The following PTPRD variants were observed in gnomAD, a reference collection of about 807,000 sequenced individuals.
PTPRD encodes receptor-type tyrosine-protein phosphatase delta.
Under a neutral mutation model 214.5 loss-of-function variants are expected in PTPRD, and 34 were observed. That is an observed-to-expected ratio of 0.16 (90% CI 0.12 to 0.21). PTPRD has a LOEUF of 0.21. Among genes scored for constraint, PTPRD ranks in the 10% least tolerant of loss-of-function variants. The probability of loss-of-function intolerance (pLI) is 1.00; values close to 1 mark genes in which losing one functional copy is unlikely to be tolerated. For synonymous variants in PTPRD, 1,128 were observed against 845.7 expected (o/e 1.33, Z -5.79); for missense variants, 2,545 against 2,398.7 (o/e 1.06, Z -1.27).
At position 9,861,371 on chromosome 9, in the gene PTPRD, A is replaced by G. The variant is rs375204158; in HGVS notation, c.-368+77136T>C. ...ATTGGCGCCATCTCGGCTCACTGCA[A>G]CCTCCGCCTCCCAGGTTCAAGCGAT... On this transcript the variant is annotated intron_variant, in intron 5 of 45. Transcript: ENST00000381196. Among the ~76,000 whole-genome samples, 11 of 152,094 alleles carry G rather than the reference A, an allele frequency of 7.2e-5. No individual in the cohort carries two copies. The South Asian group carries it at 1.0e-3, about 14-fold the overall frequency.
intron 5 of PTPRD, among the ~76,000 whole-genome samples, chr9:9,926,169 T>C (rs2084235952): frequency 6.6e-6 from 1 of 152,128 alleles, no homozygotes. Context: ...TTCTAAATTC[T>C]ACCTATCTTA....
At position 8,499,808 on chromosome 9, in the gene PTPRD, C is replaced by G. The variant is rs1415574662; in HGVS notation, c.2161G>C (p.Glu721Gln). The part of the protein sequence containing the change: ...PSGPPRKVEV[E>Q]AVNSTSVKVS... ...TTAACAGATGTTGAGTTGACAGCCTCTACCTCGACTTTGCGAGGAGGACCA... is the reference window on the plus strand; with the variant it reads ...TTAACAGATGTTGAGTTGACAGCCTGTACCTCGACTTTGCGAGGAGGACCA... Residue 721 changes from glutamate (E) to glutamine (Q), a missense_variant, in exon 25 of 46, where the codon GAG becomes CAG. Coordinates refer to ENST00000381196, the MANE Select transcript of PTPRD (RefSeq NM_002839.4). 23 of 1,612,298 alleles carry G rather than the reference C, an allele frequency of 1.4e-5. No individual in the cohort carries two copies. Among genetic ancestry groups the G allele is most frequent in the Non-Finnish European group, 2.0e-5 (23 of 1,179,422 alleles).
At chr9:9,504,734 G>A (rs1173089039) in intron 8 of PTPRD, among the ~76,000 whole-genome samples, 1 of 151,448 alleles carries the variant, frequency 6.6e-6, no homozygotes, top group East Asian at 1.9e-4. Flanking sequence ...GAGATGACAT[G>A]ATAATGTATA....
chr9:9,367,318 A>G (rs576561607), intron 9 of PTPRD, among the ~76,000 whole-genome samples: 15 of 151,730 alleles, frequency 9.9e-5, no homozygotes, highest in African/African-American at 3.6e-4. Context: ...AGGACATCAG[A>G]TTTTAGTATT....
intron 5 of PTPRD, among the ~76,000 whole-genome samples, chr9:9,812,292 C>T (rs756010389): frequency 1.3e-5 from 2 of 151,940 alleles, no homozygotes; most frequent in African/African-American, 2.4e-5. Context: ...TGTAATACCT[C>T]AAAGGTATGC....
intron 5 of PTPRD, among the ~76,000 whole-genome samples, chr9:9,819,990 T>C (rs1393409573): frequency 6.6e-6 from 1 of 152,146 alleles, no homozygotes; most frequent in Non-Finnish European, 1.5e-5. Flanking sequence ...ACAGTTTGCT[T>C]TGGATATATA....
chr9:9,096,663 C>A (rs1210134258), intron 10 of PTPRD, among the ~76,000 whole-genome samples: 1 of 152,048 alleles, frequency 6.6e-6, no homozygotes, highest in African/African-American at 2.4e-5. Flanking sequence ...ATATCCTTTA[C>A]CCAGATGATA....
rs1821100921 is a variant in PTPRD, at chr9:8,315,371, C to G, written c.*2503G>C. ...GGAGAGAAGCTGCTCATTGGCCAAT[C>G]ATTCTGGTGTGCAGTGCTCCATCGG... On this transcript the variant is annotated 3_prime_UTR_variant, in exon 46 of 46. Transcript: ENST00000381196. The G allele has an allele frequency of 4.3e-6, 1 of 232,510 alleles. No individual in the cohort carries two copies. The highest frequency in any genetic ancestry group is 8.5e-6 in the Non-Finnish European group (1 of 117,402). The allele number at this position is 232,510 out of a possible 1,614,324, so 14.4% of individuals were successfully genotyped here. A position where few individuals can be genotyped will look rare whatever the true frequency, so the allele number is the denominator to read the frequency against.
At chr9:9,101,754 C>A (rs324543) in intron 10 of PTPRD, among the ~76,000 whole-genome samples, 74,154 of 151,930 alleles carry the variant, frequency 0.49, 19,208 homozygotes, top group Non-Finnish European at 0.58. Context: ...ATATGATTAA[C>A]CCACATGTAT....
At chr9:8,454,668 A>AT in intron 33 of PTPRD, 1 of 1,511,014 alleles carries the variant, frequency 6.6e-7, no homozygotes, top group Non-Finnish European at 9.1e-7. Context: ...AAGGATAACC[A>AT]TGACAACCAA....
intron 3 of PTPRD, among the ~76,000 whole-genome samples, chr9:10,280,779 T>A (rs2095058433): frequency 6.6e-6 from 1 of 152,012 alleles, no homozygotes; most frequent in Admixed American, 6.6e-5. Context: ...ATGGCAATTT[T>A]TTTTTTTTTA....
At chr9:10,198,424 A>C (rs1002249478) in intron 3 of PTPRD, among the ~76,000 whole-genome samples, 9 of 152,134 alleles carry the variant, frequency 5.9e-5, no homozygotes, top group Non-Finnish European at 1.0e-4. Flanking sequence ...GCCAAGTATG[A>C]GCAGCAGTAA....
intron 8 of PTPRD, among the ~76,000 whole-genome samples, chr9:9,543,600 C>T (rs548821767): frequency 1.1e-4 from 16 of 151,412 alleles, no homozygotes; most frequent in African/African-American, 3.4e-4. Flanking sequence ...AATGCAGGTA[C>T]AAATAACTTG....
At chr9:8,567,472 A>T (rs1330123225) in intron 14 of PTPRD, among the ~76,000 whole-genome samples, 1 of 152,182 alleles carries the variant, frequency 6.6e-6, no homozygotes, top group Non-Finnish European at 1.5e-5. Flanking sequence ...TAAGGATACC[A>T]CATTGCAGTG....
intron 3 of PTPRD, among the ~76,000 whole-genome samples, chr9:10,269,840 A>C (rs901887407): frequency 6.6e-6 from 1 of 152,170 alleles, no homozygotes; most frequent in Admixed American, 6.5e-5. Flanking sequence ...CTAAAAAGTA[A>C]ACTTCAAAAA....
At chr9:8,658,628 T>C (rs1176220372) in intron 12 of PTPRD, among the ~76,000 whole-genome samples, 2 of 150,998 alleles carry the variant, frequency 1.3e-5, no homozygotes, top group African/African-American at 4.9e-5. Context: ...GCCCCATAAT[T>C]AGTTTTGCAA....
intron 11 of PTPRD, among the ~76,000 whole-genome samples, chr9:8,750,261 G>A (rs188247459): frequency 1.3e-4 from 20 of 151,646 alleles, no homozygotes; most frequent in Admixed American, 5.3e-4. Flanking sequence ...AGGTTCAAGC[G>A]ATTCTTCTGC....
At chr9:10,113,244 T>C (rs1227977853) in intron 3 of PTPRD, among the ~76,000 whole-genome samples, 1 of 152,336 alleles carries the variant, frequency 6.6e-6, no homozygotes, top group East Asian at 1.9e-4. Context: ...AATTTATTTG[T>C]TCTTCACAAC....
intron 8 of PTPRD, among the ~76,000 whole-genome samples, chr9:9,515,526 A>T (rs1590377363): frequency 6.6e-6 from 1 of 152,112 alleles, no homozygotes; most frequent in African/African-American, 2.4e-5. Flanking sequence ...CACTACATAT[A>T]AGAGAGAATG....
Sources: gnomAD v4.1 joint callset for allele counts (sites outside exome capture counted in the v4.1 genomes callset) on GRCh38, gnomAD v4.1.1 for gene constraint, MANE v1.5 for transcripts, NCBI Gene and HGNC (gene_info 2026-07-23, HGNC 2026-07-21) for gene names.